The following RNF213 variants were observed in gnomAD, a reference collection of about 807,000 sequenced individuals.
The protein encoded by RNF213 is E3 ubiquitin-protein ligase RNF213.
In RNF213, 341 loss-of-function variants were observed where a neutral mutation model predicts 514.4. That is an observed-to-expected ratio of 0.66 (90% CI 0.61 to 0.73). The LOEUF is 0.73. RNF213 is among the 30% of genes least tolerant of loss of function. The probability of loss-of-function intolerance (pLI) is 0.00; values close to 1 mark genes in which losing one functional copy is unlikely to be tolerated. For missense variants in RNF213, 5,767 were observed against 6,615.6 expected (o/e 0.87, Z 4.45); for synonymous variants, 2,655 against 2,658.2 (o/e 1.00, Z 0.04).
rs531943501 is a variant in RNF213 at position 80,376,402 on chromosome 17, G to A, written c.13287G>A (p.Leu4429=). The part of the protein sequence containing the change: ...ATSLVDNSVP[L]LRAGPSDSNL... ...CGCTCGTGGACAATTCTGTGCCATT[G>A]TTGAGGGCGGGGCCTAGTGACAGCA... The change falls in exon 52 of 68, where the codon TTG becomes TTA. Residue 4429 remains leucine, a synonymous_variant. Coordinates refer to ENST00000582970, the MANE Select transcript of RNF213 (RefSeq NM_001256071.3). 1.3e-5 allele frequency: 21 copies of A among 1,614,086 alleles called. No homozygotes were observed. The highest frequency in any genetic ancestry group is 1.7e-5 in the Non-Finnish European group (20 of 1,180,048).
chr17:80,326,201 G>A (rs940116461), intron 18 of RNF213, among the ~76,000 whole-genome samples: 4 of 151,932 alleles, frequency 2.6e-5, no homozygotes, highest in South Asian at 2.1e-4. Context: ...ATCGCTCACC[G>A]TAAGCGCTGA....
chr17:80,371,064 A>C lies in RNF213; in HGVS notation c.12426-810A>C, dbSNP rs148504719. 4.9e-4 allele frequency among the ~76,000 whole-genome samples: 74 copies of C among 152,320 alleles called. No individual in the cohort carries two copies. The East Asian group carries it at 0.013, about 27-fold the overall frequency. On this transcript the variant is annotated intron_variant, in intron 46 of 67. Coordinates refer to ENST00000582970, the MANE Select transcript of RNF213 (RefSeq NM_001256071.3). ...GTGTCAACCTTTACAAGACCTGCAC[A>C]GCCCAGTGAACCAATATTTTCCAAA... is the stretch of plus-strand genomic sequence containing the variant.
chr17:80,298,808 T>C, intron 11 of RNF213: 3 of 163,448 alleles, frequency 1.8e-5, no homozygotes, highest in Admixed American at 1.5e-4. Context: ...GTACGAAAAA[T>C]ACCAAAAAAA....
chr17:80,358,024 C>A (rs1198788890), intron 36 of RNF213, among the ~76,000 whole-genome samples: 1 of 152,184 alleles, frequency 6.6e-6, no homozygotes, highest in African/African-American at 2.4e-5. Flanking sequence ...CACTACTTCA[C>A]CCTTCCAGTA....
intron 58 of RNF213, 117 bp from the exon 59 acceptor site, chr17:80,383,560 G>A (rs1480896835): frequency 6.8e-6 from 7 of 1,030,954 alleles, no homozygotes; most frequent in South Asian, 3.8e-5. Context: ...TACATGCTCA[G>A]AGCAGGGGAC....
Position 80,393,586 on chromosome 17 carries a change from C to G in RNF213, c.*88C>G. The G allele has an allele frequency of 4.9e-6, 7 of 1,418,796 alleles. No individual in the cohort carries two copies. Among genetic ancestry groups the G allele is most frequent in the Non-Finnish European group, 6.9e-6 (7 of 1,017,282 alleles). The allele number at this position is 1,418,796 out of a possible 1,614,324, so 87.9% of individuals were successfully genotyped here. ...GCGTGGACTTGATCATGGACTGGTG[C>G]CTTTGCATTCAGAAGGAGAGCTGTC... On this transcript the variant is annotated 3_prime_UTR_variant, in exon 68 of 68. Coordinates refer to ENST00000582970, the MANE Select transcript of RNF213 (RefSeq NM_001256071.3).
rs918248781 is a variant in RNF213, at chr17:80,398,228, T to C, written c.*4730T>C. The stretch of plus-strand genomic sequence containing the variant: ...GATACTCTGATTTTGGTTTTGATTT[T>C]GGTTTGGTGTAAACTGTAAAAGTGT... On this transcript the variant is annotated 3_prime_UTR_variant, in exon 68 of 68. Coordinates refer to ENST00000582970, the MANE Select transcript of RNF213 (RefSeq NM_001256071.3). 7 of 152,278 alleles carry C rather than the reference T, an allele frequency of 4.6e-5. No homozygotes were observed. Among genetic ancestry groups the C allele is most frequent in the African/African-American group, 1.2e-4 (5 of 41,550 alleles). 9.4% of individuals were successfully genotyped at this position (152,278 alleles called of 1,614,324 possible). A position where few individuals can be genotyped will look rare whatever the true frequency, so the allele number is the denominator to read the frequency against.
intron 3 of RNF213, among the ~76,000 whole-genome samples, chr17:80,282,234 T>C (rs914752317): frequency 6.6e-6 from 1 of 152,182 alleles, no homozygotes; most frequent in Admixed American, 6.6e-5. Flanking sequence ...GTATGAACAG[T>C]TGCTACACGG....
intron 20 of RNF213, 35 bp from the exon 21 acceptor site, chr17:80,331,971 C>G: frequency 2.0e-6 from 3 of 1,520,024 alleles, no homozygotes; most frequent in Non-Finnish European, 2.6e-6. Flanking sequence ...ATGATTAGAG[C>G]TTTGACTTCT....
In RNF213 at chr17:80,291,719, T is replaced by G. The variant is rs765061480; in HGVS notation, c.1363T>G (p.Tyr455Asp). The G allele has an allele frequency of 6.2e-7, 1 of 1,614,064 alleles. No individual in the cohort carries two copies. Among genetic ancestry groups the G allele is most frequent in the African/African-American group, 1.3e-5 (1 of 74,922 alleles). The stretch of plus-strand genomic sequence containing the variant: ...ATACATTCCTTACAAGTACGTCATT[T>G]ATAATGGGGAATCTTTTGAGTATGA... ...DKYIPYKYVI[Y>D]NGESFEYEFI... The change falls in exon 8 of 68, where the codon TAT (tyrosine) becomes GAT (aspartate). Residue 455 changes from tyrosine to aspartate, a missense_variant. Tyr to Asp is a radical substitution (Grantham distance 160). Transcript: ENST00000582970.
rs926709224 is a variant in RNF213, at chr17:80,263,590, C to A, written c.-92C>A. Reference sequence around the variant, plus strand: ...CTTTCGCAGAAAATGAAACTGAAGCCGTGGTCACGTGACAGGACATGTAGT... The same window carrying A: ...CTTTCGCAGAAAATGAAACTGAAGCAGTGGTCACGTGACAGGACATGTAGT... On this transcript the variant is annotated 5_prime_UTR_variant, in exon 2 of 68. Coordinates refer to ENST00000582970, the MANE Select transcript of RNF213 (RefSeq NM_001256071.3). This position sits in a 1 kb window ranked among gnomAD's most constrained non-coding sequence, Gnocchi z 4.9. 1 of 1,021,070 alleles carries A rather than the reference C, an allele frequency of 9.8e-7. No individual in the cohort carries two copies. The highest frequency in any genetic ancestry group is 1.6e-5 in the African/African-American group (1 of 63,448). The allele number at this position is 1,021,070 out of a possible 1,614,324, so 63.3% of individuals were successfully genotyped here. A position where few individuals can be genotyped will look rare whatever the true frequency, so the allele number is the denominator to read the frequency against.
At chr17:80,316,772 A>G (rs1361850040) in intron 15 of RNF213, 2 of 321,794 alleles carry the variant, frequency 6.2e-6, no homozygotes, top group Non-Finnish European at 1.2e-5. Context: ...CAGAGTCCGA[A>G]GAGGGAGCAC....
chr17:80,332,176 A>T lies in RNF213; in HGVS notation c.3688A>T (p.Ser1230Cys), dbSNP rs1442774199. 9 of 1,537,220 alleles carry T rather than the reference A, an allele frequency of 5.9e-6. No individual in the cohort carries two copies. The highest frequency in any genetic ancestry group is 7.8e-6 in the Non-Finnish European group (9 of 1,146,928). The change falls in exon 21 of 68, where the codon AGC becomes TGC. Residue 1230 changes from serine (S) to cysteine (C), a missense_variant. Coordinates refer to ENST00000582970, the MANE Select transcript of RNF213 (RefSeq NM_001256071.3). Reference sequence around the variant, plus strand: ...TGGGAAGATAGACTTGCTCAGAGACAGCCACATCTTCCAGCTCTTCTGGCG... The same window carrying T: ...TGGGAAGATAGACTTGCTCAGAGACTGCCACATCTTCCAGCTCTTCTGGCG... ...MAGKIDLLRDSHIFQLFWREA... is the reference protein window; with the variant it reads ...MAGKIDLLRDCHIFQLFWREA...
intron 6 of RNF213, 84 bp from the exon 7 acceptor site, chr17:80,290,460 TGTGTGTGTGCACGTGTGTGTGCGCAC>T: frequency 7.6e-7 from 1 of 1,315,994 alleles, no homozygotes; most frequent in East Asian, 2.3e-5. Context: ...TGCGAGTGCA[TGTGTGTGTGCACGTGTGTGTGCGCAC>T]GTGTGTGTGT....
intron 42 of RNF213, 40 bp downstream of exon 42, chr17:80,364,593 C>T (rs1400241466): frequency 6.2e-7 from 1 of 1,613,616 alleles, no homozygotes; most frequent in Non-Finnish European, 8.5e-7. Context: ...CACGGATCCA[C>T]CCTTTTCCGA....
intron 3 of RNF213, among the ~76,000 whole-genome samples, chr17:80,280,712 C>T (rs1037279763): frequency 1.3e-5 from 2 of 152,122 alleles, no homozygotes; most frequent in Admixed American, 1.3e-4. Context: ...GCCCCAGCCT[C>T]CCAAAGTGCA....
In RNF213 at chr17:80,379,850, C is replaced by T. The variant is rs912166461; in HGVS notation, c.13640+136C>T. On this transcript the variant is annotated intron_variant, in intron 55 of 67. Transcript: ENST00000582970. ...TGTGGGCCTGTGTCATATTGAATAG[C>T]AATGCCAAAGTCCCAGCAGTCACAC... is the stretch of plus-strand genomic sequence containing the variant. The T allele has an allele frequency of 2.0e-5, 15 of 760,794 alleles. No individual in the cohort carries two copies. The East Asian group carries it at 3.0e-4, about 15-fold the overall frequency. 47.1% of individuals were successfully genotyped at this position (760,794 alleles called of 1,614,324 possible).
chr17:80,286,844 T>C (rs989950140), intron 3 of RNF213, among the ~76,000 whole-genome samples: 3 of 151,818 alleles, frequency 2.0e-5, no homozygotes, highest in Non-Finnish European at 4.4e-5. Context: ...GCCTGTGGGG[T>C]CCCAGGGTCC....
intron 26 of RNF213, among the ~76,000 whole-genome samples, chr17:80,342,756 A>G (rs1285128801): frequency 6.8e-6 from 1 of 146,194 alleles, no homozygotes; most frequent in Non-Finnish European, 1.5e-5. Context: ...GTATGTATAT[A>G]TATATTATAT....
Sources: gnomAD v4.1 joint callset for allele counts (sites outside exome capture counted in the v4.1 genomes callset) on GRCh38, gnomAD v4.1.1 for gene constraint, Gnocchi (gnomAD v3.1) non-coding constraint, MANE v1.5 for transcripts, NCBI Gene and HGNC (gene_info 2026-07-23, HGNC 2026-07-21) for gene names.